Variants in PRKAR1B observed in about 807,000 individuals in gnomAD.
The protein encoded by PRKAR1B is protein kinase cAMP-dependent type I regulatory subunit beta.
A neutral mutation model predicts 46.5 loss-of-function variants in PRKAR1B; 22 were observed. The ratio of observed to expected loss-of-function variants is 0.47; its 90% CI spans 0.34 to 0.68. PRKAR1B has a LOEUF of 0.68. PRKAR1B is among the 30% of genes least tolerant of loss of function. The pLI is 0.01. For missense variants in PRKAR1B, 445 were observed against 535.6 expected (o/e 0.83, Z 1.67); for synonymous variants, 259 against 217.7 (o/e 1.19, Z -1.67).
chr7:564,771 G>A (rs1316452854), intron 9 of PRKAR1B, among the ~76,000 whole-genome samples: 1 of 152,218 alleles, frequency 6.6e-6, no homozygotes. Context: ...AGGGCCCAGG[G>A]CACTGGCCCC....
rs183771995 is a variant in PRKAR1B, at chr7:549,905, G to A, written c.*525C>T. On this transcript the variant is annotated 3_prime_UTR_variant, in exon 11 of 11. Coordinates refer to ENST00000537384, the MANE Select transcript of PRKAR1B (RefSeq NM_001164760.2). ...TGGGGGTGCGGCGGGGTGCAGTGGC[G>A]CGGGCAGGGGTACACATTTGCGGGA... 98 of 155,128 alleles carry A rather than the reference G, an allele frequency of 6.3e-4. No individual in the cohort carries two copies. The East Asian group carries it at 0.011, about 17-fold the overall frequency. 9.6% of individuals were successfully genotyped at this position (155,128 alleles called of 1,614,324 possible).
At chr7:651,946 G>A (rs1229055896) in intron 4 of PRKAR1B, among the ~76,000 whole-genome samples, 9 of 68,156 alleles carry the variant, frequency 1.3e-4, no homozygotes, top group East Asian at 5.5e-4. Flanking sequence ...CCCACACAGC[G>A]CTAGGAACCT....
intron 6 of PRKAR1B, among the ~76,000 whole-genome samples, chr7:599,580 G>A (rs892485385): frequency 3.3e-5 from 5 of 152,230 alleles, no homozygotes; most frequent in South Asian, 4.2e-4. Context: ...GAGCCACCAC[G>A]CCCAGCTTCT....
At chr7:692,909 G>A (rs1779515206) in intron 2 of PRKAR1B, among the ~76,000 whole-genome samples, 2 of 152,006 alleles carry the variant, frequency 1.3e-5, no homozygotes. Flanking sequence ...GGGCTGAGAA[G>A]AGGAGTTTGT....
At chr7:691,793 C>A (rs1779443017) in intron 2 of PRKAR1B, 1 of 1,191,030 alleles carries the variant, frequency 8.4e-7, no homozygotes, top group Non-Finnish European at 1.1e-6. Flanking sequence ...TCACCTCCTG[C>A]GGAGGACGGC....
chr7:677,183 C>T (rs529196261), intron 4 of PRKAR1B, 46 bp downstream of exon 4: 12 of 1,590,550 alleles, frequency 7.5e-6, no homozygotes, highest in African/African-American at 4.0e-5. Context: ...TCCCGGAGGC[C>T]GAGGAGGGCG....
chr7:598,201 C>T (rs901472092), intron 6 of PRKAR1B, among the ~76,000 whole-genome samples: 18 of 151,252 alleles, frequency 1.2e-4, no homozygotes, highest in Non-Finnish European at 2.1e-4. Context: ...CCAGCACCCT[C>T]CGCACTAAAC....
intron 2 of PRKAR1B, among the ~76,000 whole-genome samples, chr7:685,282 A>ATATATATATACG (rs1554303115): frequency 1.4e-4 from 2 of 14,150 alleles, no homozygotes; most frequent in African/African-American, 4.4e-4. Flanking sequence ...ATATATACGT[A>ATATATATATACG]TATATATGTA....
intron 8 of PRKAR1B, among the ~76,000 whole-genome samples, chr7:581,196 C>T (rs374953442): frequency 1.5e-3 from 234 of 151,358 alleles, no homozygotes; most frequent in Non-Finnish European, 2.9e-3. Context: ...CCAGCTACTC[C>T]GGAGGCTGAG....
rs944191692 is a variant in PRKAR1B at position 551,605 on chromosome 7, C to T, written c.892-135G>A. ...CAGGTCCTTCTCCCAGAGCCACTGC[C>T]GACACCACGTCACCACCCAAACCCC... On this transcript the variant is annotated intron_variant, in intron 9 of 10. Transcript: ENST00000537384. 46 of 828,608 alleles carry T rather than the reference C, an allele frequency of 5.6e-5. 1 individual carries two copies. Among genetic ancestry groups the T allele is most frequent in the Middle Eastern group, 3.5e-4 (1 of 2,876 alleles). The allele number at this position is 828,608 out of a possible 1,614,324, so 51.3% of individuals were successfully genotyped here. A position where few individuals can be genotyped will look rare whatever the true frequency, so the allele number is the denominator to read the frequency against.
intron 9 of PRKAR1B, among the ~76,000 whole-genome samples, chr7:556,383 G>A (rs1017318926): frequency 1.3e-5 from 2 of 149,986 alleles, no homozygotes; most frequent in African/African-American, 2.5e-5. Context: ...ACTGCGACGT[G>A]GGTTTGCCTG....
intron 2 of PRKAR1B, among the ~76,000 whole-genome samples, chr7:687,988 C>T (rs1256072363): frequency 3.4e-5 from 5 of 148,722 alleles, no homozygotes; most frequent in Non-Finnish European, 7.4e-5. Flanking sequence ...TCCAGCTCCT[C>T]GGGAGGCTCA....
intron 9 of PRKAR1B, chr7:578,822 C>T (rs1387259675): frequency 1.1e-5 from 3 of 266,036 alleles, no homozygotes; most frequent in East Asian, 1.2e-4. Flanking sequence ...GCTGGGATTA[C>T]AGGCATGTGC....
At chr7:576,457 C>T (rs765726853) in intron 9 of PRKAR1B, among the ~76,000 whole-genome samples, 19 of 152,308 alleles carry the variant, frequency 1.2e-4, no homozygotes, top group South Asian at 1.0e-3. Context: ...GGACCCCCTT[C>T]GTGAATGTCC....
At chr7:564,875 G>T (rs1328817980) in intron 9 of PRKAR1B, among the ~76,000 whole-genome samples, 1 of 152,202 alleles carries the variant, frequency 6.6e-6, no homozygotes, top group Admixed American at 6.5e-5. Flanking sequence ...TTGCATCTGG[G>T]ACGGGAGCCC....
In PRKAR1B at chr7:606,096, A is replaced by G. The variant is rs1409071638; in HGVS notation, c.549+97T>C. 8 of 1,141,076 alleles carry G rather than the reference A, an allele frequency of 7.0e-6. No homozygotes were observed. In the African/African-American group the frequency reaches 7.9e-5, roughly 11 times the overall value. The allele number at this position is 1,141,076 out of a possible 1,614,324, so 70.7% of individuals were successfully genotyped here. A position where few individuals can be genotyped will look rare whatever the true frequency, so the allele number is the denominator to read the frequency against. On this transcript the variant is annotated intron_variant, in intron 6 of 10. Coordinates refer to ENST00000537384, the MANE Select transcript of PRKAR1B (RefSeq NM_001164760.2). The stretch of plus-strand genomic sequence containing the variant: ...ACACTAGGAATACGGCACTCAGCGC[A>G]GTGTTTGTTGGGGGCCTGGTGCTGC...
intron 4 of PRKAR1B, 108 bp from the exon 5 acceptor site, chr7:607,560 G>T: frequency 3.2e-6 from 3 of 945,284 alleles, no homozygotes; most frequent in Non-Finnish European, 5.0e-6. Context: ...AGTCATTGGG[G>T]AAAATGAGAA....
At chr7:709,434 C>T (rs1780508580) in intron 2 of PRKAR1B, among the ~76,000 whole-genome samples, 1 of 147,494 alleles carries the variant, frequency 6.8e-6, no homozygotes, top group African/African-American at 2.5e-5. Flanking sequence ...GCAGTGGCGC[C>T]ATCCTGGCTC....
At chr7:688,726 C>G (rs192267091) in intron 2 of PRKAR1B, among the ~76,000 whole-genome samples, 2 of 152,194 alleles carry the variant, frequency 1.3e-5, no homozygotes, top group African/African-American at 2.4e-5. Context: ...CTCTCCTCCC[C>G]CTCCAGAGCT....
Sources: gnomAD v4.1 joint callset for allele counts (sites outside exome capture counted in the v4.1 genomes callset) on GRCh38, gnomAD v4.1.1 for gene constraint, MANE v1.5 for transcripts, NCBI Gene and HGNC (gene_info 2026-07-23, HGNC 2026-07-21) for gene names.